DCAF6: variants seen among roughly 807,000 people sequenced by gnomAD.
The protein encoded by DCAF6 is DDB1 and CUL4 associated factor 6.
Under a neutral mutation model 125.1 loss-of-function variants are expected in DCAF6, and 54 were observed. The observed-to-expected ratio is 0.43, with a 90% CI of 0.35 to 0.54. The LOEUF is 0.54. DCAF6 is among the 20% of genes least tolerant of loss of function. The pLI is 0.01. For missense variants in DCAF6, 934 were observed against 1,161.7 expected (o/e 0.80, Z 2.85); for synonymous variants, 371 against 390.4 (o/e 0.95, Z 0.58).
At chr1:167,994,325 A>AG (rs1681316457) in intron 7 of DCAF6, among the ~76,000 whole-genome samples, 2 of 152,180 alleles carry the variant, frequency 1.3e-5, no homozygotes, top group South Asian at 4.1e-4. Flanking sequence ...TAACACTTGC[A>AG]GAAAAGGCGA....
At chr1:167,993,745 G>A (rs112989876) in intron 7 of DCAF6, among the ~76,000 whole-genome samples, 30,769 of 150,408 alleles carry the variant, frequency 0.2, 3,814 homozygotes, top group Admixed American at 0.36. Context: ...GTGAAACTCC[G>A]TCTCAGAAAA....
the DCAF6 span, chr1:167,880,337 A>G: frequency 1.2e-5 from 12 of 965,782 alleles, no homozygotes; most frequent in East Asian, 4.9e-5. Context: ...TGGCATTTCT[A>G]CATGGCCCGG....
chr1:167,889,402 C>A, the DCAF6 span, among the ~76,000 whole-genome samples: 1 of 143,816 alleles, frequency 7.0e-6, no homozygotes, highest in Non-Finnish European at 1.6e-5. Context: ...GTCCAACCAC[C>A]CTTGCATCCC....
upstream of DCAF6, chr1:167,936,081 C>G (rs1220930177): frequency 3.6e-6 from 2 of 563,206 alleles, no homozygotes; most frequent in Non-Finnish European, 6.5e-6. Flanking sequence ...CTCCGGCCCC[C>G]GGCAGGAGAG....
At chr1:167,939,420 CATT>C (rs976056932) in intron 1 of DCAF6, among the ~76,000 whole-genome samples, 45 of 151,984 alleles carry the variant, frequency 3.0e-4, no homozygotes, top group African/African-American at 1.1e-3. Context: ...ATGACTTTAT[CATT>C]ATTATTAATT....
the DCAF6 span, chr1:167,870,513 C>T: frequency 9.2e-7 from 1 of 1,081,608 alleles, no homozygotes; most frequent in South Asian, 1.4e-5. Context: ...TATCCTTGGG[C>T]CAGGCGCTGT....
chr1:168,015,439 G>A (rs1051828299), intron 10 of DCAF6, among the ~76,000 whole-genome samples: 4 of 152,100 alleles, frequency 2.6e-5, no homozygotes, highest in African/African-American at 9.6e-5. Flanking sequence ...TTAACTGATT[G>A]TTTTCAATTT....
the DCAF6 span, chr1:167,920,709 C>A: frequency 1.4e-6 from 2 of 1,395,986 alleles, no homozygotes; most frequent in Non-Finnish European, 9.7e-7. Flanking sequence ...AAGCACAAGA[C>A]ATTTTTGAGA....
intron 7 of DCAF6, 82 bp from the exon 8 acceptor site, chr1:168,002,399 TA>T: frequency 8.3e-7 from 1 of 1,201,198 alleles, no homozygotes. Flanking sequence ...GAGATGGAAA[TA>T]AATAGACATA....
At chr1:168,027,326 A>G (rs1342536326) in intron 12 of DCAF6, among the ~76,000 whole-genome samples, 3 of 152,088 alleles carry the variant, frequency 2.0e-5, no homozygotes, top group Non-Finnish European at 2.9e-5. Context: ...TATAGAGTAA[A>G]CAGATTGTGT....
chr1:167,978,432 A>G (rs1678577243), intron 4 of DCAF6, among the ~76,000 whole-genome samples: 2 of 152,072 alleles, frequency 1.3e-5, no homozygotes, highest in Admixed American at 6.5e-5. Context: ...ATTGGTTTCC[A>G]TTTGCCTCTC....
chr1:168,001,808 G>C (rs754491128), intron 7 of DCAF6, among the ~76,000 whole-genome samples: 2 of 152,084 alleles, frequency 1.3e-5, no homozygotes, highest in Non-Finnish European at 2.9e-5. Context: ...GGCTTAAATA[G>C]AATAAATGAT....
At chr1:167,871,994 T>C in the DCAF6 span, among the ~76,000 whole-genome samples, 2 of 152,158 alleles carry the variant, frequency 1.3e-5, no homozygotes, top group Admixed American at 6.5e-5. Context: ...ACGTTGTGCA[T>C]TGTGTACCCT....
At chr1:167,971,796 A>T (rs1450453116) in intron 3 of DCAF6, among the ~76,000 whole-genome samples, 1 of 152,202 alleles carries the variant, frequency 6.6e-6, no homozygotes, top group Non-Finnish European at 1.5e-5. Context: ...CTCATAATGC[A>T]TTGATCCAAG....
chr1:167,951,713 A>C, intron 1 of DCAF6, 87 bp from the exon 2 acceptor site: 1 of 838,648 alleles, frequency 1.2e-6, no homozygotes, highest in Non-Finnish European at 1.9e-6. Context: ...TTTACTTTTC[A>C]TGCCAGATCC....
the DCAF6 span, among the ~76,000 whole-genome samples, chr1:167,882,851 C>G: frequency 3.9e-4 from 59 of 152,288 alleles, no homozygotes; most frequent in African/African-American, 1.3e-3. Flanking sequence ...GTATCCTAAT[C>G]TGTGTTTCAG....
intron 2 of DCAF6, among the ~76,000 whole-genome samples, chr1:167,956,726 T>A (rs1413003577): frequency 6.6e-6 from 1 of 152,176 alleles, no homozygotes; most frequent in Non-Finnish European, 1.5e-5. Context: ...AAATATTGTT[T>A]TAGCTGTAAT....
chr1:167,880,278 G>A, the DCAF6 span: 8 of 1,246,428 alleles, frequency 6.4e-6, no homozygotes, highest in Non-Finnish European at 3.5e-6. Flanking sequence ...TAATGTCTGG[G>A]TTGGGAAAGG....
the DCAF6 span, among the ~76,000 whole-genome samples, chr1:167,892,040 C>T: frequency 1.3e-5 from 2 of 150,878 alleles, no homozygotes; most frequent in Admixed American, 6.6e-5. Flanking sequence ...GTGGAGCAAT[C>T]TCGGCTCACT....
Sources: allele counts gnomAD v4.1 joint callset (sites outside exome capture counted in the v4.1 genomes callset), GRCh38; gene constraint gnomAD v4.1.1; transcripts MANE v1.5; gene names NCBI Gene and HGNC (gene_info 2026-07-23, HGNC 2026-07-21).